Variants in KATNBL1 observed in about 807,000 individuals in gnomAD.
KATNBL1 encodes katanin regulatory subunit B1 like 1, also known as KATNB1-like protein 1.
In KATNBL1, 28 loss-of-function variants were observed where a neutral mutation model predicts 44.7. The observed-to-expected ratio is 0.63, with a 90% CI of 0.46 to 0.86. KATNBL1 has a LOEUF of 0.86. Ranked by LOEUF, KATNBL1 falls within the 40% of genes least tolerant of loss-of-function variation. The probability of loss-of-function intolerance (pLI) is 0.00; values close to 1 mark genes in which losing one functional copy is unlikely to be tolerated. For synonymous variants in KATNBL1, 78 were observed against 114.9 expected, an observed-to-expected ratio of 0.68 and a Z score of 2.06; for missense variants, 272 against 350.7, an observed-to-expected ratio of 0.78 and a Z score of 1.79.
At chr15:34,168,067 G>A (rs1274721889) in intron 1 of KATNBL1, among the ~76,000 whole-genome samples, 1 of 152,136 alleles carries the variant, frequency 6.6e-6, no homozygotes. Flanking sequence ...CATAATGACA[G>A]GATCAAATTC....
chr15:34,190,137 G>A (rs938125625), intron 1 of KATNBL1, among the ~76,000 whole-genome samples: 2 of 151,948 alleles, frequency 1.3e-5, no homozygotes, highest in African/African-American at 4.8e-5. Flanking sequence ...GTAGAGACAG[G>A]GTTTCACCAT....
intron 1 of KATNBL1, among the ~76,000 whole-genome samples, chr15:34,171,431 C>T (rs989446711): frequency 1.3e-5 from 2 of 152,102 alleles, no homozygotes; most frequent in African/African-American, 4.8e-5. Context: ...AAAAGTCAGG[C>T]AACAACAGAT....
chr15:34,195,794 C>A (rs975250472), intron 1 of KATNBL1, among the ~76,000 whole-genome samples: 1 of 151,954 alleles, frequency 6.6e-6, no homozygotes, highest in African/African-American at 2.4e-5. Context: ...GCAAACCACA[C>A]TGCATTCCTC....
chr15:34,172,391 G>A (rs570464156), intron 1 of KATNBL1, among the ~76,000 whole-genome samples: 1 of 151,240 alleles, frequency 6.6e-6, no homozygotes, highest in South Asian at 2.1e-4. Flanking sequence ...TGAGTACCTG[G>A]GATTACGGGC....
At chr15:34,196,539 C>A (rs866370502) in intron 1 of KATNBL1, among the ~76,000 whole-genome samples, 4 of 152,094 alleles carry the variant, frequency 2.6e-5, no homozygotes, top group African/African-American at 9.7e-5. Flanking sequence ...ACCAACCTAG[C>A]CAACATGGCG....
intron 1 of KATNBL1, among the ~76,000 whole-genome samples, chr15:34,199,381 G>A (rs1890110121): frequency 6.6e-6 from 1 of 152,186 alleles, no homozygotes; most frequent in South Asian, 2.1e-4. Context: ...AGGTTGCAAT[G>A]AGCCTAGACT....
intron 1 of KATNBL1, among the ~76,000 whole-genome samples, chr15:34,193,448 C>T (rs1181882929): frequency 6.6e-6 from 1 of 150,490 alleles, no homozygotes; most frequent in African/African-American, 2.4e-5. Context: ...ACACAAGAAT[C>T]GCCTGAACCT....
At chr15:34,196,749 G>GAA (rs1173439666) in intron 1 of KATNBL1, among the ~76,000 whole-genome samples, 5 of 152,004 alleles carry the variant, frequency 3.3e-5, no homozygotes, top group Non-Finnish European at 5.9e-5. Flanking sequence ...AAGAAAGAAA[G>GAA]AAATCTAAAC....
At chr15:34,168,986 G>A (rs1889070605) in intron 1 of KATNBL1, among the ~76,000 whole-genome samples, 1 of 151,952 alleles carries the variant, frequency 6.6e-6, no homozygotes, top group African/African-American at 2.4e-5. Flanking sequence ...AGAGAAAGCA[G>A]GAAAGATCTA....
intron 1 of KATNBL1, among the ~76,000 whole-genome samples, chr15:34,164,226 T>C (rs945162947): frequency 6.6e-6 from 1 of 152,182 alleles, no homozygotes; most frequent in Non-Finnish European, 1.5e-5. Context: ...CCAGTGACAA[T>C]AATATTGTAT....
At position 34,208,660 on chromosome 15, in the gene KATNBL1, C is replaced by T. The variant is rs79336409; in HGVS notation, c.-15+1291G>A. 6.6e-3 allele frequency: 1,006 copies of T among 152,292 alleles called. 12 individuals are homozygous for T. The highest frequency in any genetic ancestry group is 0.023 in the African/African-American group (965 of 41,574). The allele number at this position is 152,292 out of a possible 1,614,324, so 9.4% of individuals were successfully genotyped here. ...ATAACACACATAAAGCTTATGAACT[C>T]CATTTATCTTAAAATAGTCAATGGA... is the stretch of plus-strand genomic sequence containing the variant. On this transcript the variant is annotated intron_variant, in intron 1 of 9. Coordinates refer to ENST00000256544, the MANE Select transcript of KATNBL1 (RefSeq NM_024713.3).
chr15:34,207,001 TAATGTTATG>T (rs1890310905), intron 1 of KATNBL1, among the ~76,000 whole-genome samples: 1 of 151,426 alleles, frequency 6.6e-6, no homozygotes, highest in Admixed American at 6.6e-5. Context: ...CTGACTAGTG[TAATGTTATG>T]ATGCATCTTG....
At chr15:34,185,692 G>A (rs937418423) in intron 1 of KATNBL1, among the ~76,000 whole-genome samples, 4 of 152,160 alleles carry the variant, frequency 2.6e-5, no homozygotes, top group African/African-American at 9.7e-5. Flanking sequence ...CTAATCAGGT[G>A]CTGCAGCTCA....
chr15:34,159,257 C>T (rs922098564), intron 2 of KATNBL1, among the ~76,000 whole-genome samples: 1 of 152,134 alleles, frequency 6.6e-6, no homozygotes, highest in Non-Finnish European at 1.5e-5. Context: ...TATGGGCTGC[C>T]GGTGGCCCCC....
chr15:34,184,485 CAAAA>C (rs34736108), intron 1 of KATNBL1, among the ~76,000 whole-genome samples: 1 of 60,544 alleles, frequency 1.7e-5, no homozygotes, highest in Non-Finnish European at 3.4e-5. Context: ...GATTCCATCT[CAAAA>C]AAAAAAAAAA....
intron 1 of KATNBL1, among the ~76,000 whole-genome samples, chr15:34,193,782 G>A (rs1187496427): frequency 6.3e-5 from 9 of 143,794 alleles, no homozygotes; most frequent in African/African-American, 2.3e-4. Context: ...AGCCCAGGAG[G>A]TTGAGGCTGC....
intron 7 of KATNBL1, 64 bp from the exon 8 acceptor site, chr15:34,146,914 G>A (rs987336483): frequency 8.0e-5 from 83 of 1,037,144 alleles, no homozygotes; most frequent in Non-Finnish European, 1.5e-5. Context: ...TATAAAAGAT[G>A]ATACTTTCCC....
chr15:34,163,045 C>CT (rs35514072), intron 2 of KATNBL1, among the ~76,000 whole-genome samples: 88,258 of 142,500 alleles, frequency 0.62, 27,846 homozygotes, highest in Admixed American at 0.69. Flanking sequence ...TGACTAAAAA[C>CT]TTTTTTTTTT....
At chr15:34,167,672 A>G (rs1889023444) in intron 1 of KATNBL1, among the ~76,000 whole-genome samples, 1 of 152,208 alleles carries the variant, frequency 6.6e-6, no homozygotes, top group Non-Finnish European at 1.5e-5. Flanking sequence ...AAATGAAGGG[A>G]AAAATGTTAA....
Sources: gnomAD v4.1 joint callset for allele counts (sites outside exome capture counted in the v4.1 genomes callset) on GRCh38, gnomAD v4.1.1 for gene constraint, MANE v1.5 for transcripts, NCBI Gene and HGNC (gene_info 2026-07-23, HGNC 2026-07-21) for gene names.